PSEN1: variants seen among roughly 807,000 people sequenced by gnomAD.
PSEN1 encodes presenilin-1.
PSEN1 carries 15 observed loss-of-function variants against 53.5 expected under a neutral mutation model. The observed-to-expected ratio is 0.28, with a 90% CI of 0.19 to 0.43. PSEN1 has a LOEUF of 0.43. Ranked by LOEUF, PSEN1 falls within the 20% of genes least tolerant of loss-of-function variation. The pLI, the probability that PSEN1 is intolerant of heterozygous loss-of-function variation, is 1.00. For synonymous variants in PSEN1, 208 were observed against 209.8 expected, an observed-to-expected ratio of 0.99 and a Z score of 0.08; for missense variants, 387 against 571.2, an observed-to-expected ratio of 0.68 and a Z score of 3.29.
At chr14:73,147,620 A>G (rs1377089131) in intron 1 of PSEN1, 175 bp from the exon 2 acceptor site, 1 of 254,650 alleles carries the variant, frequency 3.9e-6, no homozygotes, top group East Asian at 1.0e-4. Flanking sequence ...AGGCGGTTCT[A>G]CTTATTGCTA....
rs866830381 is a variant in PSEN1, at chr14:73,184,130, C to T, written c.481-2723C>T. ...GACCCCCCCCCACCTCCCTCCCGGA[C>T]AGGGCGGCTGGCCGGCCGGGGGGCT... is the stretch of plus-strand genomic sequence containing the variant. On this transcript the variant is annotated intron_variant, in intron 5 of 11. Coordinates refer to ENST00000324501, the MANE Select transcript of PSEN1 (RefSeq NM_000021.4). 1.4e-4 allele frequency among the ~76,000 whole-genome samples: 14 copies of T among 102,158 alleles called. 1 individual carries two copies. The highest frequency in any genetic ancestry group is 4.9e-4 in the African/African-American group (11 of 22,470). The allele number at this position is 102,158 out of a possible 152,430, so 67.0% of individuals were successfully genotyped here.
rs1900081309 is a variant in PSEN1, at chr14:73,219,970, T to G, written c.*681T>G. The G allele has an allele frequency of 6.6e-6, 1 of 152,574 alleles. No individual in the cohort carries two copies. The highest frequency in any genetic ancestry group is 6.5e-5 in the Admixed American group (1 of 15,328). 9.5% of individuals were successfully genotyped at this position (152,574 alleles called of 1,614,324 possible). ...ACTGACACTCATTACCGTCTGTGAT[T>G]GCCATTTCTTCCCAAGGCCAGTCTG... On this transcript the variant is annotated 3_prime_UTR_variant, in exon 12 of 12. Coordinates refer to ENST00000324501, the MANE Select transcript of PSEN1 (RefSeq NM_000021.4).
intron 3 of PSEN1, among the ~76,000 whole-genome samples, chr14:73,156,884 G>T (rs937820205): frequency 6.6e-6 from 1 of 151,998 alleles, no homozygotes; most frequent in Non-Finnish European, 1.5e-5. Flanking sequence ...GGATGATCTC[G>T]ATCTCCTGAC....
At chr14:73,191,145 G>GT (rs1281156380) in intron 6 of PSEN1, among the ~76,000 whole-genome samples, 2 of 152,100 alleles carry the variant, frequency 1.3e-5, no homozygotes, top group South Asian at 2.1e-4. Context: ...AACATTCATT[G>GT]TTTTTTTAAA....
At position 73,178,699 on chromosome 14, in the gene PSEN1, A is replaced by G. The variant is rs73305051; in HGVS notation, c.480+4992A>G. On this transcript the variant is annotated intron_variant, in intron 5 of 11. Coordinates refer to ENST00000324501, the MANE Select transcript of PSEN1 (RefSeq NM_000021.4). ...ATTTTTAGTTCTAAAATTCCTATAT[A>G]GCCCGTCTTTACATTTTTTTATTCT... 3.6e-3 allele frequency among the ~76,000 whole-genome samples: 556 copies of G among 152,330 alleles called. 4 individuals are homozygous for G. Among genetic ancestry groups the G allele is most frequent in the African/African-American group, 0.012 (515 of 41,572 alleles).
chr14:73,159,666 T>C (rs1270506655), intron 3 of PSEN1, among the ~76,000 whole-genome samples: 1 of 152,230 alleles, frequency 6.6e-6, no homozygotes, highest in Non-Finnish European at 1.5e-5. Context: ...CCATCAGTCA[T>C]GGGTCAAAGG....
intron 3 of PSEN1, among the ~76,000 whole-genome samples, chr14:73,160,969 CTTT>C (rs552718246): frequency 3.3e-5 from 3 of 91,612 alleles, no homozygotes; most frequent in Non-Finnish European, 4.6e-5. Context: ...ATATGATTTG[CTTT>C]TTTTTTTTTT....
chr14:73,183,949 G>A lies in PSEN1; in HGVS notation c.481-2904G>A, dbSNP rs1448020899. 2.0e-4 allele frequency among the ~76,000 whole-genome samples: 26 copies of A among 127,228 alleles called. 1 individual carries two copies. Among genetic ancestry groups the A allele is most frequent in the Admixed American group, 1.6e-3 (21 of 13,322 alleles). The allele number at this position is 127,228 out of a possible 152,430, so 83.5% of individuals were successfully genotyped here. ...GGGCTGACCCCCCCACCTCCCTCCC[G>A]GACGGGGCGGCTGGCCGGGCAGAGG... On this transcript the variant is annotated intron_variant, in intron 5 of 11. Transcript: ENST00000324501.
chr14:73,204,753 C>T (rs187338631), intron 8 of PSEN1, among the ~76,000 whole-genome samples: 10 of 152,238 alleles, frequency 6.6e-5, no homozygotes, highest in African/African-American at 1.9e-4. Context: ...AATCCATAAA[C>T]AGGCTGGGTG....
chr14:73,196,554 G>A (rs906172003), intron 7 of PSEN1, among the ~76,000 whole-genome samples: 1 of 140,970 alleles, frequency 7.1e-6, no homozygotes, highest in African/African-American at 2.7e-5. Flanking sequence ...GCTCACTGCA[G>A]CCTCCACCTC....
intron 5 of PSEN1, among the ~76,000 whole-genome samples, chr14:73,184,793 C>A (rs1281165630): frequency 2.8e-4 from 42 of 150,206 alleles, no homozygotes; most frequent in Middle Eastern, 3.4e-3. Context: ...GGCGGAGACG[C>A]TCCTCACTTC....
rs886050672 is a variant in PSEN1, at chr14:73,221,081, T to C, written c.*1792T>C. On this transcript the variant is annotated 3_prime_UTR_variant, in exon 12 of 12. Transcript: ENST00000324501. ...GTTTTCTGTCCCAGGATATTTCTTA[T>C]AAGAACCTAACTTCAAGAGTAGTGT... The C allele has an allele frequency of 1.3e-5, 2 of 152,356 alleles. No homozygotes were observed. Among genetic ancestry groups the C allele is most frequent in the African/African-American group, 2.4e-5 (1 of 41,566 alleles). 9.4% of individuals were successfully genotyped at this position (152,356 alleles called of 1,614,324 possible).
chr14:73,157,525 G>GAT (rs1897395173), intron 3 of PSEN1, among the ~76,000 whole-genome samples: 2 of 152,050 alleles, frequency 1.3e-5, no homozygotes, highest in South Asian at 4.1e-4. Context: ...GTGATGTTTT[G>GAT]ATATATATGT....
At chr14:73,145,004 T>A (rs1031556181) in intron 1 of PSEN1, among the ~76,000 whole-genome samples, 3 of 152,200 alleles carry the variant, frequency 2.0e-5, no homozygotes, top group African/African-American at 7.2e-5. Context: ...GCGATTCTCC[T>A]GCCTCAGCCT....
chr14:73,167,170 G>T (rs1897743168), intron 3 of PSEN1, among the ~76,000 whole-genome samples: 1 of 152,108 alleles, frequency 6.6e-6, no homozygotes, highest in Non-Finnish European at 1.5e-5. Context: ...ATTATGCCAT[G>T]GTGGATAGAC....
chr14:73,208,967 C>G (rs1899567098), intron 9 of PSEN1: 1 of 443,670 alleles, frequency 2.3e-6, no homozygotes, highest in Non-Finnish European at 4.5e-6. Context: ...TGTCAGCACC[C>G]AAAGTCCAGA....
chr14:73,218,225 T>C (rs1256905779), intron 11 of PSEN1, among the ~76,000 whole-genome samples: 1 of 151,684 alleles, frequency 6.6e-6, no homozygotes, highest in East Asian at 1.9e-4. Context: ...TAGCTGGAAT[T>C]ACATGTGTGC....
At chr14:73,183,133 T>C (rs1898275368) in intron 5 of PSEN1, among the ~76,000 whole-genome samples, 1 of 152,136 alleles carries the variant, frequency 6.6e-6, no homozygotes, top group Admixed American at 6.6e-5. Flanking sequence ...TTTTTGTTTT[T>C]TTGAGATGGA....
rs538784834 is a variant in PSEN1, at chr14:73,218,999, G to A, written c.1249-135G>A. On this transcript the variant is annotated intron_variant, in intron 11 of 11. Coordinates refer to ENST00000324501, the MANE Select transcript of PSEN1 (RefSeq NM_000021.4). The stretch of plus-strand genomic sequence containing the variant: ...AGCTCTTCTTCCAGATTGAATGAAC[G>A]TCTGTTCTAAAATTTAACCCCAAAA... 2.0e-4 allele frequency: 190 copies of A among 944,922 alleles called. 1 individual carries two copies. The South Asian group carries it at 2.1e-3, about 10-fold the overall frequency. 58.5% of individuals were successfully genotyped at this position (944,922 alleles called of 1,614,324 possible).
Sources: gnomAD v4.1 joint callset for allele counts (sites outside exome capture counted in the v4.1 genomes callset) on GRCh38, gnomAD v4.1.1 for gene constraint, MANE v1.5 for transcripts, NCBI Gene and HGNC (gene_info 2026-07-23, HGNC 2026-07-21) for gene names.